RALGPS2: variants seen among roughly 807,000 people sequenced by gnomAD.
RALGPS2 encodes Ral GEF with PH domain and SH3 binding motif 2.
A neutral mutation model predicts 86.8 loss-of-function variants in RALGPS2; 43 were observed. The ratio of observed to expected loss-of-function variants is 0.50; its 90% CI spans 0.39 to 0.64. The LOEUF is 0.64. Ranked by LOEUF, RALGPS2 falls within the 30% of genes least tolerant of loss-of-function variation. The probability of loss-of-function intolerance (pLI) is 0.00; values close to 1 mark genes in which losing one functional copy is unlikely to be tolerated. For missense variants in RALGPS2, 536 were observed against 694.6 expected (o/e 0.77, Z 2.57); for synonymous variants, 243 against 231.3 (o/e 1.05, Z -0.46).
At chr1:178,768,117 G>A (rs1652605496) in intron 1 of RALGPS2, among the ~76,000 whole-genome samples, 2 of 152,044 alleles carry the variant, frequency 1.3e-5, no homozygotes, top group Non-Finnish European at 2.9e-5. Context: ...GTTGATATTC[G>A]ACCTTGTCTT....
chr1:178,885,414 A>G (rs1659439939), intron 12 of RALGPS2: 1 of 537,626 alleles, frequency 1.9e-6, no homozygotes, highest in East Asian at 3.3e-5. Context: ...GATTTTGTCA[A>G]CAATGCATTT....
chr1:178,745,182 A>G (rs77517020), intron 1 of RALGPS2, among the ~76,000 whole-genome samples: 5,818 of 152,288 alleles, frequency 0.038, 144 homozygotes, highest in African/African-American at 0.059. Context: ...TAAGAAGACA[A>G]TTATCCCTAA....
chr1:178,744,894 G>A (rs12079832), intron 1 of RALGPS2, among the ~76,000 whole-genome samples: 2,708 of 151,232 alleles, frequency 0.018, 72 homozygotes, highest in African/African-American at 0.058. Context: ...CTTTGTAGTT[G>A]ACATGATTGT....
chr1:178,738,622 A>G (rs924627902), intron 1 of RALGPS2, among the ~76,000 whole-genome samples: 18 of 152,246 alleles, frequency 1.2e-4, no homozygotes, highest in African/African-American at 2.7e-4. Context: ...GGGATCAGCC[A>G]TATAATTTAC....
intron 4 of RALGPS2, among the ~76,000 whole-genome samples, chr1:178,801,561 C>T (rs1654479761): frequency 6.6e-6 from 1 of 152,070 alleles, no homozygotes; most frequent in Non-Finnish European, 1.5e-5. Context: ...TTTCTGACTC[C>T]TCAAATAAAT....
chr1:178,838,012 G>A (rs905395040), intron 8 of RALGPS2, among the ~76,000 whole-genome samples: 1 of 152,134 alleles, frequency 6.6e-6, no homozygotes, highest in Non-Finnish European at 1.5e-5. Context: ...GGCTTGAGTA[G>A]GTAAACAAAG....
chr1:178,749,355 G>A (rs1451073233), intron 1 of RALGPS2, among the ~76,000 whole-genome samples: 1 of 152,090 alleles, frequency 6.6e-6, no homozygotes, highest in Non-Finnish European at 1.5e-5. Flanking sequence ...GCGTGGTAGT[G>A]GGTGCCTATA....
intron 19 of RALGPS2, among the ~76,000 whole-genome samples, chr1:178,910,344 C>T (rs1660573328): frequency 6.6e-6 from 1 of 152,110 alleles, no homozygotes; most frequent in Admixed American, 6.5e-5. Flanking sequence ...TGTTCCAGTT[C>T]TGTAAGGGAA....
At chr1:178,883,342 G>C in intron 10 of RALGPS2, 124 bp from the exon 11 acceptor site, 2 of 713,394 alleles carry the variant, frequency 2.8e-6, no homozygotes, top group Non-Finnish European at 4.8e-6. Flanking sequence ...TTGAAGAAAA[G>C]TATATAGGTC....
At chr1:178,854,244 C>T (rs1657380118) in intron 8 of RALGPS2, among the ~76,000 whole-genome samples, 1 of 152,042 alleles carries the variant, frequency 6.6e-6, no homozygotes, top group African/African-American at 2.4e-5. Context: ...GCTGAGGGAT[C>T]GATCTACTGG....
At chr1:178,768,862 C>T (rs1434121584) in intron 1 of RALGPS2, among the ~76,000 whole-genome samples, 1 of 152,190 alleles carries the variant, frequency 6.6e-6, no homozygotes, top group Non-Finnish European at 1.5e-5. Context: ...TAGGAGTGGC[C>T]TAAACTCATA....
rs1319016133 is a variant in RALGPS2 at position 178,877,426 on chromosome 1, T to TC, written c.608-66dup. ...TGGAATATATCTATAAACAACCCCT[T>TC]CCCCCCTTTTCTTTGTCATAGTCTC... On this transcript the variant is annotated intron_variant, in intron 8 of 19. Coordinates refer to ENST00000367635, the MANE Select transcript of RALGPS2 (RefSeq NM_152663.5). 4.0e-5 allele frequency: 63 copies of TC among 1,586,600 alleles called. No individual in the cohort carries two copies. The South Asian group carries it at 7.1e-4, about 18-fold the overall frequency.
At chr1:178,864,990 G>T in intron 8 of RALGPS2, 1 of 1,469,520 alleles carries the variant, frequency 6.8e-7, no homozygotes. Context: ...ATCTTGAAAG[G>T]GCTTTTGGTG....
chr1:178,796,873 A>G (rs780919774), intron 4 of RALGPS2, among the ~76,000 whole-genome samples: 24 of 152,166 alleles, frequency 1.6e-4, no homozygotes, highest in Non-Finnish European at 2.5e-4. Flanking sequence ...TAATCAATGA[A>G]TATTCTTTCA....
chr1:178,778,184 A>T, intron 2 of RALGPS2, among the ~76,000 whole-genome samples: 1 of 123,582 alleles, frequency 8.1e-6, no homozygotes. Flanking sequence ...AATGAACTCA[A>T]ACAAATTTAC....
intron 2 of RALGPS2, among the ~76,000 whole-genome samples, chr1:178,781,223 C>G (rs1653378134): frequency 6.6e-6 from 1 of 152,092 alleles, no homozygotes; most frequent in African/African-American, 2.4e-5. Context: ...TGAAAAAAGT[C>G]TGCCCTTTAA....
At chr1:178,893,315 T>A (rs1268093119) in intron 15 of RALGPS2, among the ~76,000 whole-genome samples, 1 of 151,856 alleles carries the variant, frequency 6.6e-6, no homozygotes, top group Non-Finnish European at 1.5e-5. Context: ...CGTGGAGAGC[T>A]ATTAGGCCAT....
At chr1:178,879,126 T>TA in intron 10 of RALGPS2, 134 bp downstream of exon 10, 2 of 1,248,962 alleles carry the variant, frequency 1.6e-6, no homozygotes, top group Non-Finnish European at 2.1e-6. Context: ...GCAGTAAAGG[T>TA]ACTAACATGT....
chr1:178,853,926 A>G (rs1657355779), intron 8 of RALGPS2: 2 of 519,934 alleles, frequency 3.8e-6, no homozygotes, highest in East Asian at 7.0e-5. Context: ...TATAAAATAT[A>G]ACTAAATAAA....
Sources: gnomAD v4.1 joint callset for allele counts (sites outside exome capture counted in the v4.1 genomes callset) on GRCh38, gnomAD v4.1.1 for gene constraint, MANE v1.5 for transcripts, NCBI Gene and HGNC (gene_info 2026-07-23, HGNC 2026-07-21) for gene names.